NTRK2: variants seen among roughly 807,000 people sequenced by gnomAD.
The protein encoded by NTRK2 is neurotrophic receptor tyrosine kinase 2, also known as BDNF/NT-3 growth factors receptor.
NTRK2 carries 13 observed loss-of-function variants against 94.5 expected under a neutral mutation model. That is an observed-to-expected ratio of 0.14 (90% CI 0.09 to 0.22). The LOEUF (loss-of-function observed/expected upper bound fraction) is 0.22. Ranked by LOEUF, NTRK2 falls within the 10% of genes least tolerant of loss-of-function variation. The pLI, the probability that NTRK2 is intolerant of heterozygous loss-of-function variation, is 1.00. For synonymous variants in NTRK2, 372 were observed against 407.4 expected (o/e 0.91, Z 1.05); for missense variants, 639 against 1,071.2 (o/e 0.60, Z 5.63).
rs572604265 is a variant in NTRK2, at chr9:84,821,183, A to G, written c.1397-39857A>G. 2.0e-5 allele frequency among the ~76,000 whole-genome samples: 3 copies of G among 152,260 alleles called. No homozygotes were observed. The East Asian group carries it at 5.8e-4, about 29-fold the overall frequency. ...TTTCAGTTCTCTTTTTACTCAAGAC[A>G]AACACCATAAATATGCTTTGTCTTT... On this transcript the variant is annotated intron_variant, in intron 12 of 18. Coordinates refer to ENST00000277120, the MANE Select transcript of NTRK2 (RefSeq NM_006180.6).
intron 12 of NTRK2, among the ~76,000 whole-genome samples, chr9:84,836,909 T>C (rs1405355678): frequency 6.7e-6 from 1 of 148,362 alleles, no homozygotes; most frequent in African/African-American, 2.5e-5. Context: ...AAAGTGCAGA[T>C]AATAGATTGA....
chr9:85,005,812 C>G (rs1363157539), intron 17 of NTRK2, among the ~76,000 whole-genome samples: 1 of 152,188 alleles, frequency 6.6e-6, no homozygotes, highest in Non-Finnish European at 1.5e-5. Context: ...TCAGAAAAGC[C>G]TTGACTGACC....
Position 85,026,075 on chromosome 9 carries a change from T to G in NTRK2, c.*4638T>G, listed in dbSNP as rs1280856639. On this transcript the variant is annotated 3_prime_UTR_variant, in exon 19 of 19. Transcript: ENST00000277120. Reference sequence around the variant, plus strand: ...TGACCTTTATTTATTTAATTATGTATTTATTTATTTATTTATATACTTTTG... The same window carrying G: ...TGACCTTTATTTATTTAATTATGTAGTTATTTATTTATTTATATACTTTTG... The G allele has an allele frequency of 9.1e-6, 2 of 219,670 alleles. No homozygotes were observed. The highest frequency in any genetic ancestry group is 1.8e-5 in the Non-Finnish European group (2 of 109,948). 13.6% of individuals were successfully genotyped at this position (219,670 alleles called of 1,614,324 possible).
intron 17 of NTRK2, among the ~76,000 whole-genome samples, chr9:84,958,608 A>AT (rs1190698701): frequency 6.6e-6 from 1 of 151,932 alleles, no homozygotes; most frequent in African/African-American, 2.4e-5. Flanking sequence ...TTTTTGTTTG[A>AT]TTTTCCCATT....
chr9:84,686,816 A>C (rs72737658), intron 2 of NTRK2, among the ~76,000 whole-genome samples: 13,451 of 152,282 alleles, frequency 0.088, 752 homozygotes, highest in African/African-American at 0.15. Flanking sequence ...AAACTCATCA[A>C]AAAACCCAAC....
chr9:84,908,509 T>G (rs929897609), intron 14 of NTRK2, among the ~76,000 whole-genome samples: 2 of 152,216 alleles, frequency 1.3e-5, no homozygotes, highest in Non-Finnish European at 2.9e-5. Flanking sequence ...TTAATTTACT[T>G]GATGACACAT....
intron 12 of NTRK2, chr9:84,814,857 GC>G (rs780163390): frequency 6.6e-6 from 7 of 1,063,448 alleles, no homozygotes; most frequent in Non-Finnish European, 8.0e-6. Flanking sequence ...GAGTTGCGCA[GC>G]TTAGCTGACT....
At chr9:84,983,983 C>A (rs1245588788) in intron 17 of NTRK2, among the ~76,000 whole-genome samples, 1 of 152,182 alleles carries the variant, frequency 6.6e-6, no homozygotes, top group African/African-American at 2.4e-5. Flanking sequence ...CTCCTACTGA[C>A]TTGAAGAGCT....
intron 14 of NTRK2, among the ~76,000 whole-genome samples, chr9:84,890,476 A>C (rs1265233816): frequency 6.6e-6 from 1 of 152,238 alleles, no homozygotes; most frequent in Non-Finnish European, 1.5e-5. Flanking sequence ...CCTTGGCTTT[A>C]GGTTGCTTGT....
At chr9:84,727,419 G>C (rs2062544202) in intron 8 of NTRK2, among the ~76,000 whole-genome samples, 1 of 152,196 alleles carries the variant, frequency 6.6e-6, no homozygotes, top group Non-Finnish European at 1.5e-5. Flanking sequence ...AGAAATGACT[G>C]TAATGCAGGG....
At chr9:84,811,909 A>ACGC in intron 12 of NTRK2, 2 of 629,922 alleles carry the variant, frequency 3.2e-6, no homozygotes, top group Non-Finnish European at 4.0e-6. Flanking sequence ...GGCTATCCCC[A>ACGC]CCCCACCCCA....
chr9:84,892,711 C>T (rs2076630817), intron 14 of NTRK2, among the ~76,000 whole-genome samples: 2 of 152,164 alleles, frequency 1.3e-5, no homozygotes, highest in Non-Finnish European at 1.5e-5. Context: ...ACCTGAGGTC[C>T]GGAGTTCAGG....
intron 2 of NTRK2, among the ~76,000 whole-genome samples, chr9:84,681,742 T>C (rs957248750): frequency 6.6e-6 from 1 of 152,202 alleles, no homozygotes; most frequent in Non-Finnish European, 1.5e-5. Context: ...TCTGAAATGC[T>C]GATCTTATCC....
At position 84,869,842 on chromosome 9, in the gene NTRK2, A is replaced by G. The variant is rs1167036917; in HGVS notation, c.1633+2411A>G. Among the ~76,000 whole-genome samples the G allele has an allele frequency of 2.6e-5, 4 of 152,128 alleles. 1 individual carries two copies. Among genetic ancestry groups the G allele is most frequent in the Non-Finnish European group, 2.9e-5 (2 of 68,018 alleles). ...AATCATTTTCATTGGTTTTATTCCTATCAAACTTGCCTACATAGTTGTTTA... is the reference window on the plus strand; with the variant it reads ...AATCATTTTCATTGGTTTTATTCCTGTCAAACTTGCCTACATAGTTGTTTA... On this transcript the variant is annotated intron_variant, in intron 14 of 18. Transcript: ENST00000277120.
intron 11 of NTRK2, among the ~76,000 whole-genome samples, chr9:84,748,433 C>T (rs1179945244): frequency 6.6e-6 from 1 of 152,228 alleles, no homozygotes; most frequent in Non-Finnish European, 1.5e-5. Context: ...CTTACACATT[C>T]TATAACTAGG....
intron 12 of NTRK2, among the ~76,000 whole-genome samples, chr9:84,834,678 G>A (rs192956749): frequency 1.3e-5 from 2 of 152,224 alleles, no homozygotes; most frequent in Non-Finnish European, 2.9e-5. Flanking sequence ...CACATGTTGA[G>A]AGTTCTAGTT....
At chr9:84,813,258 C>T (rs2133591951) in intron 12 of NTRK2, 2 of 1,043,002 alleles carry the variant, frequency 1.9e-6, no homozygotes, top group Middle Eastern at 4.3e-4. Flanking sequence ...TCCCCAGCCG[C>T]AGCCAACTGT....
At chr9:84,720,008 A>G (rs2061955982) in intron 6 of NTRK2, among the ~76,000 whole-genome samples, 1 of 130,810 alleles carries the variant, frequency 7.6e-6, no homozygotes, top group Admixed American at 8.0e-5. Context: ...TGACAGAGCA[A>G]GACTATCTCA....
At position 84,907,827 on chromosome 9, in the gene NTRK2, T is replaced by C. The variant is rs145956053; in HGVS notation, c.1634-26335T>C. On this transcript the variant is annotated intron_variant, in intron 14 of 18. Transcript: ENST00000277120. ...TTCTATTTTAGAATGCATTTGAATATGTTCAAATGCCTTGTCCAAGTTGAT... is the reference window on the plus strand; with the variant it reads ...TTCTATTTTAGAATGCATTTGAATACGTTCAAATGCCTTGTCCAAGTTGAT... Among the ~76,000 whole-genome samples, 74 of 152,268 alleles carry C rather than the reference T, an allele frequency of 4.9e-4. No homozygotes were observed. The East Asian group carries it at 0.01, about 21-fold the overall frequency.
Sources: gnomAD v4.1 joint callset for allele counts (sites outside exome capture counted in the v4.1 genomes callset) on GRCh38, gnomAD v4.1.1 for gene constraint, MANE v1.5 for transcripts, NCBI Gene and HGNC (gene_info 2026-07-23, HGNC 2026-07-21) for gene names.